SENP7: variants seen among roughly 807,000 people sequenced by gnomAD.
SENP7 encodes SUMO specific peptidase 7.
In SENP7, 64 loss-of-function variants were observed where a neutral mutation model predicts 141.2. The observed-to-expected ratio is 0.45, with a 90% confidence interval of 0.37 to 0.56. The LOEUF (loss-of-function observed/expected upper bound fraction) is 0.56, where lower values mean the gene tolerates loss of function less well. Ranked by LOEUF, SENP7 falls within the 20% of genes least tolerant of loss-of-function variation. The pLI, the probability that SENP7 is intolerant of heterozygous loss-of-function variation, is 0.00. For missense variants in SENP7, 1,025 were observed against 1,212.2 expected (o/e 0.85, Z 2.29); for synonymous variants, 382 against 426.4 (o/e 0.90, Z 1.28).
intron 1 of SENP7, among the ~76,000 whole-genome samples, chr3:101,504,115 A>G (rs2065494753): frequency 6.6e-6 from 1 of 152,086 alleles, no homozygotes; most frequent in Non-Finnish European, 1.5e-5. Flanking sequence ...GTTTCACTAC[A>G]TGCACTTGCT....
chr3:101,404,389 C>T (rs909305777), intron 5 of SENP7, among the ~76,000 whole-genome samples: 7 of 151,944 alleles, frequency 4.6e-5, no homozygotes, highest in African/African-American at 1.5e-4. Context: ...AAATTGAACC[C>T]GATTTTTACA....
At chr3:101,468,707 A>ATCCAACTTACAAGGGAT (rs1167861826) in intron 3 of SENP7, among the ~76,000 whole-genome samples, 2 of 152,158 alleles carry the variant, frequency 1.3e-5, no homozygotes, top group African/African-American at 4.8e-5. Context: ...TCCTGAAGGA[A>ATCCAACTTACAAGGGAT]GCACTAAACA....
At chr3:101,493,511 T>A (rs1047063516) in intron 3 of SENP7, among the ~76,000 whole-genome samples, 6 of 152,216 alleles carry the variant, frequency 3.9e-5, no homozygotes, top group Admixed American at 3.9e-4. Context: ...TTTTGAAATA[T>A]AGTTATATTA....
chr3:101,404,712 TAAAC>T (rs2061247786), intron 5 of SENP7, among the ~76,000 whole-genome samples: 1 of 151,976 alleles, frequency 6.6e-6, no homozygotes. Flanking sequence ...ACAAGGAACT[TAAAC>T]AAATTAACAT....
chr3:101,399,597 C>T (rs879322988), intron 5 of SENP7, among the ~76,000 whole-genome samples: 2 of 152,180 alleles, frequency 1.3e-5, no homozygotes, highest in Admixed American at 1.3e-4. Context: ...TATGTAATAG[C>T]ATCAGGAAAA....
chr3:101,438,395 T>G (rs1264481100), intron 4 of SENP7, among the ~76,000 whole-genome samples: 1 of 152,106 alleles, frequency 6.6e-6, no homozygotes, highest in Non-Finnish European at 1.5e-5. Context: ...AACAGCAAAC[T>G]GGTGGTCATA....
intron 3 of SENP7, among the ~76,000 whole-genome samples, chr3:101,477,709 A>T (rs2064276475): frequency 6.6e-6 from 1 of 151,566 alleles, no homozygotes; most frequent in Non-Finnish European, 1.5e-5. Flanking sequence ...AAATTAGCTG[A>T]GTGTGGTGGT....
Position 101,343,955 on chromosome 3 carries a change from C to T in SENP7, c.1838-1G>A. 1 of 1,536,946 alleles carries T rather than the reference C, an allele frequency of 6.5e-7. No homozygotes were observed. The highest frequency in any genetic ancestry group is 8.8e-7 in the Non-Finnish European group (1 of 1,138,910). On this transcript the variant is annotated splice_acceptor_variant, in intron 13 of 23. Coordinates refer to ENST00000394095, the MANE Select transcript of SENP7 (RefSeq NM_020654.5). LOFTEE classifies it high-confidence loss of function. ...AGGAAAATGAATTCACTAGATTTTG[C>T]TACAAAAGGAAAAAATAATTTGTAT...
In SENP7 at chr3:101,341,666, C is replaced by G; in HGVS notation, c.2220G>C (p.Arg740Ser). 1 of 1,607,804 alleles carries G rather than the reference C, an allele frequency of 6.2e-7. No individual in the cohort carries two copies. Among genetic ancestry groups the G allele is most frequent in the Non-Finnish European group, 8.5e-7 (1 of 1,175,460 alleles). ...CATACTTCTGAACAAGTCCAGTGTGCCTGACTTCTCGCCATTCTTCATCTG... is the reference window on the plus strand; with the variant it reads ...CATACTTCTGAACAAGTCCAGTGTGGCTGACTTCTCGCCATTCTTCATCTG... Reference protein sequence around the residue: ...SNPDEEWREVRHTGLVQKLIV... With the variant: ...SNPDEEWREVSHTGLVQKLIV... Residue 740 changes from arginine to serine, a missense_variant, in exon 15 of 24, where the codon AGG (arginine) becomes AGC (serine). Physicochemically the swap from Arg to Ser is moderately radical, Grantham distance 110 (BLOSUM62 -1). Around this residue, in one of 4 missense-constraint regions of SENP7, gnomAD observed 295 missense variants for 459.1 expected, o/e 0.64. Transcript: ENST00000394095.
intron 3 of SENP7, among the ~76,000 whole-genome samples, chr3:101,459,456 A>C (rs1271473180): frequency 6.6e-6 from 1 of 152,214 alleles, no homozygotes; most frequent in African/African-American, 2.4e-5. Flanking sequence ...CCATGTGGAA[A>C]ATTTTAGGAA....
intron 3 of SENP7, among the ~76,000 whole-genome samples, chr3:101,472,256 T>C (rs544534682): frequency 2.2e-4 from 33 of 152,310 alleles, no homozygotes; most frequent in African/African-American, 7.9e-4. Context: ...CCAACCCAAA[T>C]GTCCATCAAT....
intron 4 of SENP7, among the ~76,000 whole-genome samples, chr3:101,446,419 T>G (rs1459553661): frequency 1.3e-5 from 2 of 152,226 alleles, no homozygotes; most frequent in Admixed American, 1.3e-4. Context: ...CTAATAGACC[T>G]AACAGACATT....
intron 14 of SENP7, among the ~76,000 whole-genome samples, chr3:101,343,080 G>A (rs2059369143): frequency 6.6e-6 from 1 of 152,176 alleles, no homozygotes; most frequent in Non-Finnish European, 1.5e-5. Flanking sequence ...CAGAAGTGAT[G>A]TGGTACTTCT....
chr3:101,513,178 C>T lies in SENP7; in HGVS notation c.-48G>A, dbSNP rs753568231. The stretch of plus-strand genomic sequence containing the variant: ...AGTTGCAGGCGCTGTCACCTCAGGA[C>T]CCCTCCGGCTTGGAGAGGGAGGGGG... On this transcript the variant is annotated 5_prime_UTR_variant, in exon 1 of 24. Transcript: ENST00000394095. 2.1e-6 allele frequency: 3 copies of T among 1,457,438 alleles called. No homozygotes were observed. The South Asian group carries it at 3.4e-5, about 17-fold the overall frequency. 90.3% of individuals were successfully genotyped at this position (1,457,438 alleles called of 1,614,324 possible).
At chr3:101,461,614 A>T (rs1172438204) in intron 3 of SENP7, among the ~76,000 whole-genome samples, 1 of 152,108 alleles carries the variant, frequency 6.6e-6, no homozygotes, top group African/African-American at 2.4e-5. Context: ...ACAGTATTGC[A>T]GTTCCTCGAT....
chr3:101,383,670 G>A (rs936586258), intron 6 of SENP7, among the ~76,000 whole-genome samples: 3 of 152,262 alleles, frequency 2.0e-5, no homozygotes, highest in Non-Finnish European at 4.4e-5. Context: ...TCGGGTACAC[G>A]CCAGCCCCCT....
chr3:101,452,270 A>C (rs1287767695), intron 4 of SENP7, among the ~76,000 whole-genome samples: 1 of 152,184 alleles, frequency 6.6e-6, no homozygotes, highest in Non-Finnish European at 1.5e-5. Context: ...AATCAATATC[A>C]TGAAAATGGC....
chr3:101,398,807 A>G (rs2061046802), intron 6 of SENP7, 54 bp downstream of exon 6: 1 of 1,231,756 alleles, frequency 8.1e-7, no homozygotes, highest in Non-Finnish European at 1.1e-6. Flanking sequence ...AGAACAGGGA[A>G]GGATACATAA....
chr3:101,418,305 G>T (rs2061684414), intron 4 of SENP7, among the ~76,000 whole-genome samples: 1 of 150,180 alleles, frequency 6.7e-6, no homozygotes. Context: ...TTACCTTACT[G>T]TACCTATACC....
Sources: allele counts gnomAD v4.1 joint callset (sites outside exome capture counted in the v4.1 genomes callset), GRCh38; gene constraint gnomAD v4.1.1; regional missense constraint gnomAD v4.1.1; transcripts MANE v1.5; gene names NCBI Gene and HGNC (gene_info 2026-07-23, HGNC 2026-07-21).